The following APOL3 variants were observed in gnomAD, a reference collection of about 807,000 sequenced individuals.
APOL3 encodes the protein apolipoprotein L3, also known as TNF-inducible protein CG12-1.
APOL3 carries 14 observed loss-of-function variants against 11.6 expected under a neutral mutation model. That is an observed-to-expected ratio of 1.21 (90% confidence interval 0.80 to 1.89). The LOEUF (loss-of-function observed/expected upper bound fraction) is 1.89, where lower values mean the gene tolerates loss of function less well. Among genes scored for constraint, APOL3 ranks in the 40% most tolerant of loss-of-function variants. The pLI is 0.00. For synonymous variants in APOL3, 192 were observed against 190.6 expected (o/e 1.01, Z -0.06); for missense variants, 483 against 492.1 (o/e 0.98, Z 0.17).
At chr22:36,147,407 C>T (rs1177119482) in intron 1 of APOL3, among the ~76,000 whole-genome samples, 1 of 152,138 alleles carries the variant, frequency 6.6e-6, no homozygotes, top group South Asian at 2.1e-4. Flanking sequence ...CAGCTGGCCG[C>T]GTTATTAAAC....
intron 1 of APOL3, among the ~76,000 whole-genome samples, chr22:36,153,083 C>G (rs1167583618): frequency 6.6e-6 from 1 of 151,890 alleles, no homozygotes; most frequent in Non-Finnish European, 1.5e-5. Flanking sequence ...TGCACTCCAG[C>G]CTGGGCAACA....
At chr22:36,150,529 G>T (rs1603475065) in intron 1 of APOL3, among the ~76,000 whole-genome samples, 1 of 152,316 alleles carries the variant, frequency 6.6e-6, no homozygotes, top group East Asian at 1.9e-4. Context: ...CACCCAACCA[G>T]ACGGACTCAA....
upstream of APOL3, chr22:36,165,643 C>T (rs2013841021): frequency 6.6e-6 from 1 of 152,136 alleles, no homozygotes; most frequent in African/African-American, 2.4e-5. Flanking sequence ...ATCCATAAAA[C>T]TCCAAATGAT....
intron 1 of APOL3, among the ~76,000 whole-genome samples, chr22:36,147,107 A>G (rs1325680555): frequency 6.6e-6 from 1 of 152,194 alleles, no homozygotes; most frequent in African/African-American, 2.4e-5. Flanking sequence ...AAGACTCCAT[A>G]TATTTTGAAA....
intron 1 of APOL3, among the ~76,000 whole-genome samples, chr22:36,146,972 C>T (rs57838802): frequency 0.071 from 10,823 of 152,000 alleles, 1,281 homozygotes; most frequent in African/African-American, 0.25. Flanking sequence ...GACACACTTG[C>T]GAGGCCTCAT....
intron 1 of APOL3, among the ~76,000 whole-genome samples, chr22:36,158,896 G>A (rs925861917): frequency 2.0e-5 from 3 of 152,224 alleles, no homozygotes; most frequent in Middle Eastern, 3.4e-3. Flanking sequence ...AAGACCCTTC[G>A]AGGCCACGAC....
chr22:36,165,285 C>T (rs948193907), upstream of APOL3: 1 of 152,124 alleles, frequency 6.6e-6, no homozygotes, highest in African/African-American at 2.4e-5. Flanking sequence ...CAGGTCAATA[C>T]CCTTTCAGAA....
intron 1 of APOL3, among the ~76,000 whole-genome samples, chr22:36,159,914 A>C (rs1428627580): frequency 6.6e-6 from 1 of 150,662 alleles, no homozygotes; most frequent in Non-Finnish European, 1.5e-5. Flanking sequence ...TCACTCTGTC[A>C]GGAGTGCACT....
At chr22:36,156,527 C>T (rs1318098249) in intron 1 of APOL3, among the ~76,000 whole-genome samples, 1 of 152,176 alleles carries the variant, frequency 6.6e-6, no homozygotes, top group African/African-American at 2.4e-5. Context: ...CACTGACGCC[C>T]TGCTTCCCTG....
At chr22:36,160,887 C>A in exon 1 of APOL3, 1 of 1,613,260 alleles carries the variant, frequency 6.2e-7, no homozygotes, top group Non-Finnish European at 8.5e-7. Context: ...TTGGCCCAGT[C>A]CCATCCTTGG....
chr22:36,162,952 A>G (rs1223935101), upstream of APOL3, among the ~76,000 whole-genome samples: 2 of 152,226 alleles, frequency 1.3e-5, no homozygotes, highest in East Asian at 3.9e-4. Context: ...CTGCTTGGCT[A>G]AGAGAAGTTG....
intron 1 of APOL3, among the ~76,000 whole-genome samples, chr22:36,160,397 G>T (rs182131457): frequency 6.6e-6 from 1 of 152,272 alleles, no homozygotes; most frequent in East Asian, 1.9e-4. Flanking sequence ...CATGTCTCAC[G>T]CAGGCTGGAA....
upstream of APOL3, among the ~76,000 whole-genome samples, chr22:36,163,575 G>A (rs563234750): frequency 5.3e-5 from 8 of 152,310 alleles, no homozygotes; most frequent in East Asian, 1.5e-3. Context: ...TTTTCAGCAA[G>A]GCTGTAGTAC....
Position 36,160,650 on chromosome 22 carries a change from C to T in APOL3, c.223+19G>A, listed in dbSNP as rs45577431. On this transcript the variant is annotated intron_variant, in intron 1 of 2. Coordinates refer to ENST00000349314, the Ensembl canonical transcript of APOL3. ...GTGAGGATGGGGAGATGGGGAAGGTCAGACCACCCCTAACTTACCAAGGAA... is the reference window on the plus strand; with the variant it reads ...GTGAGGATGGGGAGATGGGGAAGGTTAGACCACCCCTAACTTACCAAGGAA... 83,117 of 1,612,968 alleles carry T rather than the reference C, an allele frequency of 0.052. 2,301 individuals carry two copies. The highest frequency in any genetic ancestry group is 0.1 in the Middle Eastern group (595 of 5,786).
chr22:36,145,009 CAA>C (rs1312228074), intron 2 of APOL3, among the ~76,000 whole-genome samples: 8,314 of 37,844 alleles, frequency 0.22, 1,082 homozygotes, highest in African/African-American at 0.44. Context: ...GACTCTGTCT[CAA>C]AAAAAAAAAA....
chr22:36,150,041 G>C (rs2060375228), intron 1 of APOL3: 2 of 386,198 alleles, frequency 5.2e-6, no homozygotes, highest in African/African-American at 4.2e-5. Context: ...CCAACTCCTG[G>C]TTTCAAGCAA....
At chr22:36,144,971 A>G (rs187817950) in intron 2 of APOL3, among the ~76,000 whole-genome samples, 389 of 145,342 alleles carry the variant, frequency 2.7e-3, no homozygotes, top group Non-Finnish European at 4.8e-3. Context: ...AGATCATGCC[A>G]CTGCACTCCA....
upstream of APOL3, among the ~76,000 whole-genome samples, chr22:36,161,858 TG>T (rs132657): frequency 0.53 from 80,549 of 151,546 alleles, 22,552 homozygotes; most frequent in East Asian, 0.85. Context: ...GAGAAAAAGG[TG>T]GGGGGGTGAT....
intron 1 of APOL3, 28 bp downstream of exon 1, chr22:36,160,640 TG>T: frequency 6.2e-7 from 1 of 1,606,538 alleles, no homozygotes; most frequent in Admixed American, 1.7e-5. Flanking sequence ...GATGGGGAGA[TG>T]GGGAAGGTCA....
Sources: allele counts gnomAD v4.1 joint callset (sites outside exome capture counted in the v4.1 genomes callset), GRCh38; gene constraint gnomAD v4.1.1; transcripts MANE v1.5; gene names NCBI Gene and HGNC (gene_info 2026-07-23, HGNC 2026-07-21).